Variants in FBXL4 observed in about 807,000 individuals in gnomAD.
FBXL4 encodes the protein F-box and leucine rich repeat protein 4, also known as F-box/LRR-repeat protein 4.
In FBXL4, 40 loss-of-function variants were observed where a neutral mutation model predicts 58.9. That is an observed-to-expected ratio of 0.68 (90% CI 0.53 to 0.88). FBXL4 has a LOEUF of 0.88. FBXL4 is among the 40% of genes least tolerant of loss of function. FBXL4 has a pLI of 0.00. For synonymous variants in FBXL4, 263 were observed against 265.5 expected, an observed-to-expected ratio of 0.99 and a Z score of 0.09; for missense variants, 676 against 734.4, an observed-to-expected ratio of 0.92 and a Z score of 0.92.
At chr6:98,912,869 GAC>G (rs1166785935) in intron 5 of FBXL4, among the ~76,000 whole-genome samples, 2 of 151,972 alleles carry the variant, frequency 1.3e-5, no homozygotes, top group Non-Finnish European at 2.9e-5. Flanking sequence ...CCAATTAAAA[GAC>G]ACAGACTGGC....
At chr6:98,938,529 A>G (rs1482621342) in intron 1 of FBXL4, among the ~76,000 whole-genome samples, 1 of 152,234 alleles carries the variant, frequency 6.6e-6, no homozygotes. Context: ...CAATCAAGAA[A>G]AAGAACTCTG....
intron 1 of FBXL4, among the ~76,000 whole-genome samples, chr6:98,945,997 G>C (rs1342763165): frequency 2.6e-5 from 4 of 152,156 alleles, no homozygotes; most frequent in African/African-American, 9.7e-5. Flanking sequence ...AATTTTAAAG[G>C]GGGGAGGGAG....
intron 8 of FBXL4, among the ~76,000 whole-genome samples, 199 bp downstream of exon 8, chr6:98,880,354 A>T (rs1770807968): frequency 6.6e-6 from 1 of 152,178 alleles, no homozygotes; most frequent in South Asian, 2.1e-4. Context: ...CCTTGCTCTC[A>T]TGGATAAATA....
Position 98,926,574 on chromosome 6 carries a change from C to CA in FBXL4, c.414_415insT (p.Ala139CysfsTer15), listed in dbSNP as rs750468108. Reference sequence around the variant, plus strand: ...TGATAGGTTTCTAGAACATGTACAGCTGTAGGATACACCTGTTGTTCAAAA... The same window carrying CA: ...TGATAGGTTTCTAGAACATGTACAGCATGTAGGATACACCTGTTGTTCAAAA... On this transcript the variant is annotated frameshift_variant, in exon 4 of 10. Transcript: ENST00000369244. LOFTEE classifies it high-confidence loss of function. 1 of 1,614,030 alleles carries CA rather than the reference C, an allele frequency of 6.2e-7. No homozygotes were observed. Among genetic ancestry groups the CA allele is most frequent in the Non-Finnish European group, 8.5e-7 (1 of 1,179,916 alleles).
intron 5 of FBXL4, among the ~76,000 whole-genome samples, chr6:98,914,015 C>T (rs1032555909): frequency 6.6e-5 from 10 of 152,166 alleles, no homozygotes; most frequent in South Asian, 2.1e-4. Flanking sequence ...ATACAAACTA[C>T]CATCAGAGAA....
chr6:98,878,845 C>T (rs1271855585), intron 8 of FBXL4, among the ~76,000 whole-genome samples: 1 of 152,110 alleles, frequency 6.6e-6, no homozygotes, highest in Admixed American at 6.5e-5. Flanking sequence ...GTGACAGAAA[C>T]TGCCATCAAA....
chr6:98,889,383 C>CA (rs1771145165), intron 7 of FBXL4, among the ~76,000 whole-genome samples: 1 of 152,100 alleles, frequency 6.6e-6, no homozygotes, highest in African/African-American at 2.4e-5. Flanking sequence ...TCCAAATACT[C>CA]AGACTACTAC....
At position 98,871,311 on chromosome 6, in the gene FBXL4, A is replaced by G. The variant is rs964824125; in HGVS notation, c.*2967T>C. 6.6e-6 allele frequency: 1 copy of G among 152,202 alleles called. No homozygotes were observed. Among genetic ancestry groups the G allele is most frequent in the Non-Finnish European group, 1.5e-5 (1 of 68,046 alleles). The allele number at this position is 152,202 out of a possible 1,614,324, so 9.4% of individuals were successfully genotyped here. On this transcript the variant is annotated 3_prime_UTR_variant, in exon 10 of 10. Coordinates refer to ENST00000369244, the MANE Select transcript of FBXL4 (RefSeq NM_001278716.2). ...GGAACAACATCAACAGTCAATAAAA[A>G]ACAAGGCAAATGACCCTGAGTGGTT...
intron 7 of FBXL4, 105 bp downstream of exon 7, chr6:98,899,163 A>G: frequency 6.6e-7 from 1 of 1,506,560 alleles, no homozygotes; most frequent in South Asian, 1.4e-5. Flanking sequence ...GGCATCATAA[A>G]CTTGATTTAA....
At chr6:98,910,075 G>C (rs377259160) in intron 5 of FBXL4, among the ~76,000 whole-genome samples, 5 of 151,936 alleles carry the variant, frequency 3.3e-5, no homozygotes, top group African/African-American at 9.7e-5. Context: ...TTTGGAAAAG[G>C]GATATCTAAG....
Position 98,946,961 on chromosome 6 carries a change from A to T in FBXL4, c.-309+845T>A, listed in dbSNP as rs1378474034. Among the ~76,000 whole-genome samples, 3 of 152,172 alleles carry T rather than the reference A, an allele frequency of 2.0e-5. 1 individual carries two copies. The highest frequency in any genetic ancestry group is 7.2e-5 in the African/African-American group (3 of 41,422). On this transcript the variant is annotated intron_variant, in intron 1 of 9. Transcript: ENST00000369244. Reference sequence around the variant, plus strand: ...TATATACCTATAGCTGAACTTAAGAAACCAAGGAGTGCACGCAAGAACCAG... The same window carrying T: ...TATATACCTATAGCTGAACTTAAGATACCAAGGAGTGCACGCAAGAACCAG...
At chr6:98,910,859 C>T (rs914570595) in intron 5 of FBXL4, among the ~76,000 whole-genome samples, 3 of 152,142 alleles carry the variant, frequency 2.0e-5, no homozygotes, top group Non-Finnish European at 4.4e-5. Context: ...CGTGCGCCAG[C>T]CGAAGCAGGG....
At chr6:98,882,949 A>G (rs184810602) in intron 7 of FBXL4, among the ~76,000 whole-genome samples, 43 of 152,174 alleles carry the variant, frequency 2.8e-4, no homozygotes, top group African/African-American at 9.9e-4. Context: ...GTATTTCTCT[A>G]GAGAACACAC....
At chr6:98,876,384 T>A (rs758710451) in intron 8 of FBXL4, among the ~76,000 whole-genome samples, 2 of 152,214 alleles carry the variant, frequency 1.3e-5, no homozygotes, top group African/African-American at 2.4e-5. Flanking sequence ...GCTTTAATAA[T>A]GTTTCTTTAA....
intron 5 of FBXL4, among the ~76,000 whole-genome samples, chr6:98,912,582 CATAAGTG>C (rs1253649218): frequency 1.3e-5 from 2 of 152,092 alleles, no homozygotes; most frequent in East Asian, 3.9e-4. Context: ...AACTAAGCTT[CATAAGTG>C]AAGGAGAAAT....
chr6:98,910,939 A>G (rs1313018117), intron 5 of FBXL4, among the ~76,000 whole-genome samples: 4 of 152,164 alleles, frequency 2.6e-5, no homozygotes, highest in Non-Finnish European at 5.9e-5. Flanking sequence ...GAAAGGGGTG[A>G]CAGATGGCAC....
Position 98,875,432 on chromosome 6 carries a change from T to A in FBXL4, c.1685A>T (p.Gln562Leu), listed in dbSNP as rs752427360. The A allele has an allele frequency of 1.2e-6, 2 of 1,614,050 alleles. No individual in the cohort carries two copies. The highest frequency in any genetic ancestry group is 2.2e-5 in the East Asian group (1 of 44,882). The change falls in exon 9 of 10, where the codon CAG becomes CTG. Residue 562 changes from glutamine (Q) to leucine (L), a missense_variant. Coordinates refer to ENST00000369244, the MANE Select transcript of FBXL4 (RefSeq NM_001278716.2). Reference sequence around the variant, plus strand: ...AACCTTACCTAATATGTCCAGCTGCTGTAACCTGGTACAATTACATGCCAA... The same window carrying A: ...AACCTTACCTAATATGTCCAGCTGCAGTAACCTGGTACAATTACATGCCAA... The part of the protein sequence containing the change: ...DELACNCTRL[Q>L]QLDILGTRMV...
chr6:98,944,083 C>A (rs1039020254), intron 1 of FBXL4, among the ~76,000 whole-genome samples: 1 of 152,058 alleles, frequency 6.6e-6, no homozygotes, highest in Non-Finnish European at 1.5e-5. Flanking sequence ...AAATGTCCAG[C>A]AATTTGGAAA....
At position 98,947,628 on chromosome 6, in the gene FBXL4, A is replaced by AGCGGAGGC. The variant is rs1158839577; in HGVS notation, c.-309+170_-309+177dup. On this transcript the variant is annotated intron_variant, in intron 1 of 9. Coordinates refer to ENST00000369244, the MANE Select transcript of FBXL4 (RefSeq NM_001278716.2). The stretch of plus-strand genomic sequence containing the variant: ...GCCCCAGCAAGCCCCGCAAGCGTGA[A>AGCGGAGGC]GCGGAGGCGCGGGGGCGCGGGGCCG... 5.9e-5 allele frequency among the ~76,000 whole-genome samples: 9 copies of AGCGGAGGC among 152,106 alleles called. No homozygotes were observed. In the South Asian group the frequency reaches 1.7e-3, roughly 28 times the overall value.
Sources: gnomAD v4.1 joint callset for allele counts (sites outside exome capture counted in the v4.1 genomes callset) on GRCh38, gnomAD v4.1.1 for gene constraint, MANE v1.5 for transcripts, NCBI Gene and HGNC (gene_info 2026-07-23, HGNC 2026-07-21) for gene names.